PRSS3: variants seen among roughly 807,000 people sequenced by gnomAD.
The protein encoded by PRSS3 is serine protease 3.
In PRSS3, 14 loss-of-function variants were observed where a neutral mutation model predicts 20.8. The observed-to-expected ratio is 0.67, with a 90% confidence interval of 0.44 to 1.05. The LOEUF is 1.05. Ranked by LOEUF, PRSS3 falls within the 50% of genes least tolerant of loss-of-function variation. The pLI, the probability that PRSS3 is intolerant of heterozygous loss-of-function variation, is 0.00. For synonymous variants in PRSS3, 91 were observed against 117.6 expected (o/e 0.77, Z 1.46); for missense variants, 237 against 306.4 (o/e 0.77, Z 1.69).
chr9:33,784,652 G>A (rs1447313141), intron 1 of PRSS3, among the ~76,000 whole-genome samples: 1 of 152,164 alleles, frequency 6.6e-6, no homozygotes, highest in East Asian at 1.9e-4. Context: ...GTAACAACTA[G>A]GTATTTAATA....
At chr9:33,752,605 C>G (rs1361878200) in intron 1 of PRSS3, among the ~76,000 whole-genome samples, 1 of 152,202 alleles carries the variant, frequency 6.6e-6, no homozygotes, top group Non-Finnish European at 1.5e-5. Flanking sequence ...TTAGAGGCCA[C>G]AGGTGAGTGC....
rs564232156 is a variant in PRSS3, at chr9:33,765,025, C to T, written c.-53+14298C>T. Among the ~76,000 whole-genome samples the T allele has an allele frequency of 6.6e-5, 10 of 152,314 alleles. No individual in the cohort carries two copies. In the East Asian group the frequency reaches 1.7e-3, roughly 26 times the overall value. ...TGGCAAAGATGTGAAGAAACTGGAA[C>T]TCTAATACATTGCTGGTGGGATTGT... is the stretch of plus-strand genomic sequence containing the variant. On this transcript the variant is annotated intron_variant, in intron 1 of 5. Coordinates refer to the PRSS3 transcript ENST00000342836.
At chr9:33,771,635 T>TG (rs1563960292) in intron 1 of PRSS3, among the ~76,000 whole-genome samples, 1 of 94,462 alleles carries the variant, frequency 1.1e-5, no homozygotes. Context: ...TTTTGTTTTT[T>TG]TGTTTTTTTG....
At chr9:33,775,013 C>G (rs938619600) in intron 1 of PRSS3, among the ~76,000 whole-genome samples, 1 of 150,292 alleles carries the variant, frequency 6.7e-6, no homozygotes, top group East Asian at 1.9e-4. Context: ...GAGGAGAAGG[C>G]CTTCCAGTTA....
At chr9:33,788,167 T>A (rs1273408805) in intron 1 of PRSS3, among the ~76,000 whole-genome samples, 1 of 152,320 alleles carries the variant, frequency 6.6e-6, no homozygotes, top group South Asian at 2.1e-4. Flanking sequence ...GATGTTACAT[T>A]CCCAGAACAT....
In PRSS3 at chr9:33,798,808, C is replaced by T. The variant is rs1475652135; in HGVS notation, c.591+186C>T. ...CCCCATGGAGAAACGAGGAAGGTGGCGGGGCTGAGGAGGCTCCCTGCAGTG... is the reference window on the plus strand; with the variant it reads ...CCCCATGGAGAAACGAGGAAGGTGGTGGGGCTGAGGAGGCTCCCTGCAGTG... On this transcript the variant is annotated intron_variant, in intron 4 of 4. Transcript: ENST00000379405. 3.8e-5 allele frequency: 43 copies of T among 1,131,742 alleles called. No homozygotes were observed. The South Asian group carries it at 4.3e-4, about 11-fold the overall frequency. The allele number at this position is 1,131,742 out of a possible 1,614,324, so 70.1% of individuals were successfully genotyped here.
intron 1 of PRSS3, among the ~76,000 whole-genome samples, chr9:33,765,904 G>A (rs1388241359): frequency 1.3e-5 from 2 of 151,994 alleles, no homozygotes; most frequent in African/African-American, 4.8e-5. Flanking sequence ...CAATTCAAAC[G>A]TCCATCTACT....
upstream of PRSS3, chr9:33,794,915 A>G: frequency 4.5e-6 from 7 of 1,548,008 alleles, no homozygotes; most frequent in African/African-American, 9.6e-5. Context: ...TCTTTGAAAC[A>G]CTTCCCATCC....
chr9:33,792,291 T>C (rs1824667777), upstream of PRSS3, among the ~76,000 whole-genome samples: 1 of 151,832 alleles, frequency 6.6e-6, no homozygotes, highest in Non-Finnish European at 1.5e-5. Flanking sequence ...AGGAGTTGAC[T>C]AAGAGCTTAG....
intron 1 of PRSS3, among the ~76,000 whole-genome samples, chr9:33,782,959 G>A (rs1368122420): frequency 3.9e-5 from 6 of 152,296 alleles, no homozygotes; most frequent in African/African-American, 1.2e-4. Flanking sequence ...CGAAAACCTG[G>A]AGACATCTTG....
chr9:33,790,584 C>A (rs1023800339), upstream of PRSS3, among the ~76,000 whole-genome samples: 98 of 152,186 alleles, frequency 6.4e-4, no homozygotes, highest in African/African-American at 2.2e-3. Flanking sequence ...TTCCACTCTA[C>A]GTAAAAGCAC....
At chr9:33,770,837 A>T (rs1250136928) in intron 1 of PRSS3, among the ~76,000 whole-genome samples, 2 of 152,168 alleles carry the variant, frequency 1.3e-5, no homozygotes, top group Non-Finnish European at 2.9e-5. Flanking sequence ...TATGTGGTGT[A>T]CCCACACAAC....
At position 33,785,160 on chromosome 9, in the gene PRSS3, A is replaced by ATTTTTTTTT. The variant is rs74180504; in HGVS notation, c.-52-9559_-52-9551dup. 5.4e-3 allele frequency among the ~76,000 whole-genome samples: 390 copies of ATTTTTTTTT among 72,468 alleles called. 47 individuals are homozygous for ATTTTTTTTT. The highest frequency in any genetic ancestry group is 0.014 in the African/African-American group (184 of 13,316). The allele number at this position is 72,468 out of a possible 152,430, so 47.5% of individuals were successfully genotyped here. On this transcript the variant is annotated intron_variant, in intron 1 of 5. Coordinates refer to the PRSS3 transcript ENST00000342836. ...GAAAAAGATCATAGCATTGTGGTCA[A>ATTTTTTTTT]TTTTTTTTTTTTTTTTTTTTTTTTT...
At chr9:33,755,169 A>T (rs1822885008) in intron 1 of PRSS3, among the ~76,000 whole-genome samples, 1 of 152,158 alleles carries the variant, frequency 6.6e-6, no homozygotes, top group South Asian at 2.1e-4. Context: ...CATTTTGAGA[A>T]ACACCGAATG....
chr9:33,758,086 G>A (rs1587368621), intron 1 of PRSS3, among the ~76,000 whole-genome samples: 1 of 152,102 alleles, frequency 6.6e-6, no homozygotes, highest in East Asian at 1.9e-4. Context: ...TCCCTTGACT[G>A]TAGTGCCCTT....
chr9:33,795,921 AG>A (rs1195078453), intron 1 of PRSS3, among the ~76,000 whole-genome samples: 1 of 152,208 alleles, frequency 6.6e-6, no homozygotes, highest in African/African-American at 2.4e-5. Flanking sequence ...CAAGAGCACC[AG>A]TATAGCACCA....
At chr9:33,754,252 A>T (rs1433942700) in intron 1 of PRSS3, among the ~76,000 whole-genome samples, 1 of 151,894 alleles carries the variant, frequency 6.6e-6, no homozygotes, top group African/African-American at 2.4e-5. Context: ...TTGTATTTTT[A>T]GTAGAGACGG....
At chr9:33,759,750 G>T (rs1823100906) in intron 1 of PRSS3, among the ~76,000 whole-genome samples, 1 of 152,228 alleles carries the variant, frequency 6.6e-6, no homozygotes, top group African/African-American at 2.4e-5. Context: ...TAGAGATGAA[G>T]TTGTGGGAGT....
chr9:33,795,655 C>T lies in PRSS3; in HGVS notation c.40+42C>T, dbSNP rs377258511. ...GCCTCAGGCCCCACCCACCCCCTTT[C>T]CTGGCAGACACATGCCCTGCCATTC... On this transcript the variant is annotated intron_variant, in intron 1 of 4. Transcript: ENST00000379405. The T allele has an allele frequency of 4.4e-4, 662 of 1,519,150 alleles. 2 individuals carry two copies. The Middle Eastern group carries it at 8.6e-3, about 20-fold the overall frequency. 94.1% of individuals were successfully genotyped at this position (1,519,150 alleles called of 1,614,324 possible).
Sources: allele counts gnomAD v4.1 joint callset (sites outside exome capture counted in the v4.1 genomes callset), GRCh38; gene constraint gnomAD v4.1.1; transcripts MANE v1.5; gene names NCBI Gene and HGNC (gene_info 2026-07-23, HGNC 2026-07-21).